The following UGT1A8 variants were observed in gnomAD, a reference collection of about 807,000 sequenced individuals.
UGT1A8 encodes UDP glucuronosyltransferase family 1 member A8, also known as UDP-glucuronosyltransferase 1A8.
A neutral mutation model predicts 45.3 loss-of-function variants in UGT1A8; 39 were observed. That is an observed-to-expected ratio of 0.86 (90% CI 0.67 to 1.12). UGT1A8 has a LOEUF of 1.12. UGT1A8 is among the 50% of genes most tolerant of loss of function. The pLI, the probability that UGT1A8 is intolerant of heterozygous loss-of-function variation, is 0.00. For synonymous variants in UGT1A8, 275 were observed against 249.2 expected (o/e 1.10, Z -0.97); for missense variants, 719 against 664.9 (o/e 1.08, Z -0.90).
At chr2:233,621,176 A>G (rs2072996178) in intron 1 of UGT1A8, among the ~76,000 whole-genome samples, 1 of 152,170 alleles carries the variant, frequency 6.6e-6, no homozygotes, top group Admixed American at 6.5e-5. Context: ...GGAGGGGATA[A>G]ACTTTTAAAC....
At chr2:233,708,402 C>T (rs1242304001) in intron 1 of UGT1A8, 4 of 152,064 alleles carry the variant, frequency 2.6e-5, no homozygotes, top group African/African-American at 9.7e-5. Flanking sequence ...TTACTTTCAT[C>T]AAGTTGTTTC....
At chr2:233,636,796 G>A in intron 1 of UGT1A8, 1 of 1,614,196 alleles carries the variant, frequency 6.2e-7, no homozygotes, top group Non-Finnish European at 8.5e-7. Context: ...GGAATTCATG[G>A]TTTTCGCCCA....
chr2:233,618,463 G>T lies in UGT1A8; in HGVS notation c.756G>T (p.Leu252Phe), dbSNP rs772438338. Residue 252 changes from leucine (L) to phenylalanine (F), a missense_variant, in exon 1 of 5, where the codon TTG becomes TTT. Physicochemically the swap from Leu to Phe is conservative, Grantham distance 22. Transcript: ENST00000373450. ...YDLYSHTSIW[L>F]LRTDFVLDYP... is the part of the protein sequence containing the mutation. ...TCTACAGCCACACATCAATTTGGTT[G>T]TTGCGAACAGACTTTGTTTTGGACT... 11 of 1,613,754 alleles carry T rather than the reference G, an allele frequency of 6.8e-6. No individual in the cohort carries two copies. In the East Asian group the frequency reaches 2.4e-4, roughly 36 times the overall value.
chr2:233,760,360 T>A (rs751894919), intron 1 of UGT1A8: 1 of 1,614,114 alleles, frequency 6.2e-7, no homozygotes, highest in East Asian at 2.2e-5. Flanking sequence ...CCCAGTGGTG[T>A]CCCATGCTGG....
At chr2:233,693,351 T>G in intron 1 of UGT1A8, 1 of 1,614,154 alleles carries the variant, frequency 6.2e-7, no homozygotes, top group Non-Finnish European at 8.5e-7. Context: ...AGGAATAACA[T>G]GATTGTTATT....
chr2:233,649,193 A>G (rs1365623013), intron 1 of UGT1A8, among the ~76,000 whole-genome samples: 1 of 152,226 alleles, frequency 6.6e-6, no homozygotes, highest in Non-Finnish European at 1.5e-5. Flanking sequence ...AGCAACTTTT[A>G]TATAATGGCC....
At chr2:233,629,461 C>G (rs1446293381) in intron 1 of UGT1A8, among the ~76,000 whole-genome samples, 1 of 152,082 alleles carries the variant, frequency 6.6e-6, no homozygotes, top group Non-Finnish European at 1.5e-5. Context: ...CTAGGATAAA[C>G]CCCACTTGGT....
chr2:233,677,508 C>G (rs1270056055), intron 1 of UGT1A8, among the ~76,000 whole-genome samples: 5 of 152,032 alleles, frequency 3.3e-5, no homozygotes, highest in Non-Finnish European at 5.9e-5. Flanking sequence ...AGTATTATAT[C>G]CTGTATTATG....
intron 1 of UGT1A8, among the ~76,000 whole-genome samples, chr2:233,623,586 A>G (rs1197285343): frequency 6.6e-6 from 1 of 152,188 alleles, no homozygotes; most frequent in Non-Finnish European, 1.5e-5. Context: ...CATTTGTTAC[A>G]TAGCCACAAT....
intron 1 of UGT1A8, chr2:233,693,460 C>T (rs1488589072): frequency 1.2e-6 from 2 of 1,614,146 alleles, no homozygotes; most frequent in South Asian, 2.2e-5. Flanking sequence ...CAGACCCAGC[C>T]TTACCCTGTG....
intron 1 of UGT1A8, chr2:233,671,863 T>C: frequency 6.6e-7 from 1 of 1,517,102 alleles, no homozygotes; most frequent in Non-Finnish European, 8.8e-7. Flanking sequence ...GGTTTTGTGC[T>C]GGTATTTCTC....
chr2:233,693,488 T>C (rs746631423), intron 1 of UGT1A8: 2 of 1,613,982 alleles, frequency 1.2e-6, no homozygotes, highest in African/African-American at 2.7e-5. Flanking sequence ...CCTGGCTGAG[T>C]ATTTGGGCCT....
intron 1 of UGT1A8, among the ~76,000 whole-genome samples, chr2:233,724,292 C>A (rs1379070155): frequency 7.8e-6 from 1 of 129,018 alleles, no homozygotes; most frequent in East Asian, 2.7e-4. Context: ...GGGGGGCTGA[C>A]CCCCCCACCT....
At chr2:233,748,132 A>T in intron 1 of UGT1A8, 1 of 1,610,152 alleles carries the variant, frequency 6.2e-7, no homozygotes, top group Middle Eastern at 2.1e-4. Flanking sequence ...CAGTTTTTAA[A>T]AATTGTATTT....
intron 1 of UGT1A8, chr2:233,693,205 G>C (rs764136609): frequency 1.9e-6 from 3 of 1,614,010 alleles, no homozygotes; most frequent in African/African-American, 1.3e-5. Flanking sequence ...ATTTGCTTTT[G>C]AAAGAATCCA....
At chr2:233,713,670 G>GT in intron 1 of UGT1A8, 1 of 1,613,956 alleles carries the variant, frequency 6.2e-7, no homozygotes, top group Non-Finnish European at 8.5e-7. Context: ...TTGCCATGCT[G>GT]TTTCTGCTCC....
intron 1 of UGT1A8, chr2:233,747,353 C>T (rs1297550032): frequency 5.6e-6 from 9 of 1,602,858 alleles, no homozygotes; most frequent in East Asian, 2.2e-5. Context: ...TGCGGGAGGC[C>T]GTGCGGGAGC....
At chr2:233,766,342 AGTGGCCTGCC>A (rs1699121690) in intron 1 of UGT1A8, among the ~76,000 whole-genome samples, 1 of 152,026 alleles carries the variant, frequency 6.6e-6, no homozygotes, top group Non-Finnish European at 1.5e-5. Flanking sequence ...TCTGCTGGTC[AGTGGCCTGCC>A]GGTGCCTGTT....
intron 1 of UGT1A8, among the ~76,000 whole-genome samples, chr2:233,646,900 T>C (rs554019014): frequency 2.6e-5 from 4 of 152,334 alleles, no homozygotes; most frequent in African/African-American, 9.6e-5. Flanking sequence ...CTGGTACCAA[T>C]TGACTGTATT....
Sources: allele counts gnomAD v4.1 joint callset (sites outside exome capture counted in the v4.1 genomes callset), GRCh38; gene constraint gnomAD v4.1.1; transcripts MANE v1.5; gene names NCBI Gene and HGNC (gene_info 2026-07-23, HGNC 2026-07-21).